Variants in GPR19 observed in about 807,000 individuals in gnomAD.
GPR19 encodes G protein-coupled receptor 19.
GPR19 carries 14 observed loss-of-function variants against 28.5 expected under a neutral mutation model. The ratio of observed to expected loss-of-function variants is 0.49; its 90% CI spans 0.32 to 0.77. The LOEUF (loss-of-function observed/expected upper bound fraction) is 0.77, where lower values mean the gene tolerates loss of function less well. GPR19 is among the 30% of genes least tolerant of loss of function. GPR19 has a pLI of 0.03. For synonymous variants in GPR19, 173 were observed against 184.1 expected (o/e 0.94, Z 0.49); for missense variants, 409 against 504.1 (o/e 0.81, Z 1.81).
chr12:12,685,223 C>T (rs1403730683), intron 2 of GPR19: 4 of 151,724 alleles, frequency 2.6e-5, no homozygotes, highest in Non-Finnish European at 5.9e-5. Flanking sequence ...ACCTACCTCC[C>T]TGTCCCCATC....
At chr12:12,665,691 G>T (rs71457162) in intron 3 of GPR19, among the ~76,000 whole-genome samples, 67 of 151,672 alleles carry the variant, frequency 4.4e-4, no homozygotes, top group African/African-American at 1.5e-3. Flanking sequence ...CAAAAAATTA[G>T]CCGGGCATGG....
the GPR19 span, among the ~76,000 whole-genome samples, chr12:12,710,708 T>A: frequency 6.6e-6 from 1 of 152,080 alleles, no homozygotes; most frequent in African/African-American, 2.4e-5. Context: ...AGCTGTTTTT[T>A]AAAAAATTTT....
At chr12:12,674,369 G>C (rs1355792531) in intron 3 of GPR19, among the ~76,000 whole-genome samples, 1 of 152,034 alleles carries the variant, frequency 6.6e-6, no homozygotes, top group Non-Finnish European at 1.5e-5. Context: ...GAGCCTAGGA[G>C]GTTGAGGCTG....
intron 3 of GPR19, among the ~76,000 whole-genome samples, chr12:12,673,230 CT>C (rs1299840677): frequency 6.6e-6 from 1 of 152,292 alleles, no homozygotes; most frequent in Non-Finnish European, 1.5e-5. Context: ...AGAAAGTCTC[CT>C]GGCAGGGTGT....
Position 12,661,791 on chromosome 12 carries a change from C to T in GPR19, c.658G>A (p.Gly220Ser), listed in dbSNP as rs1287755959. ...AAGTGGATGACAGTGTAGGCAGTGCCTTCCCAAGAGGAGGGGAGGAAATAG... is the reference window on the plus strand; with the variant it reads ...AAGTGGATGACAGTGTAGGCAGTGCTTTCCCAAGAGGAGGGGAGGAAATAG... The part of the protein sequence containing the change: ...CNYFLPSSWE[G>S]TAYTVIHFLV... Residue 220 changes from glycine (G) to serine (S), a missense_variant, in exon 4 of 4, where the codon GGC becomes AGC. Transcript: ENST00000651487. The surrounding 1 kb of genome is among the most constrained non-coding windows in gnomAD (Gnocchi z 4.2). The T allele has an allele frequency of 6.2e-7, 1 of 1,614,074 alleles. No individual in the cohort carries two copies. The highest frequency in any genetic ancestry group is 2.2e-5 in the East Asian group (1 of 44,880).
intron 3 of GPR19, among the ~76,000 whole-genome samples, chr12:12,678,768 A>T (rs1424040012): frequency 6.6e-6 from 1 of 152,208 alleles, no homozygotes; most frequent in Non-Finnish European, 1.5e-5. Context: ...ATGAAAAGTA[A>T]TGGCAAAAAC....
chr12:12,710,931 A>C, the GPR19 span, among the ~76,000 whole-genome samples: 1 of 152,192 alleles, frequency 6.6e-6, no homozygotes, highest in Non-Finnish European at 1.5e-5. Flanking sequence ...CCATTGAGTG[A>C]TAAACCAAAT....
intron 3 of GPR19, among the ~76,000 whole-genome samples, chr12:12,675,292 CTGTG>C (rs1945915057): frequency 6.6e-6 from 1 of 152,086 alleles, no homozygotes. Context: ...AGATTTTGTT[CTGTG>C]TAAGAACCCC....
chr12:12,680,221 G>A (rs1438720098), intron 3 of GPR19, among the ~76,000 whole-genome samples: 4 of 152,286 alleles, frequency 2.6e-5, no homozygotes, highest in Non-Finnish European at 5.9e-5. Flanking sequence ...AGTAAAAAGA[G>A]CACAGAATTA....
chr12:12,666,980 T>C (rs932496956), intron 3 of GPR19, among the ~76,000 whole-genome samples: 1 of 152,122 alleles, frequency 6.6e-6, no homozygotes, highest in Admixed American at 6.6e-5. Flanking sequence ...TCTTGCACTT[T>C]CCTCCCAGAA....
At chr12:12,710,181 G>A in the GPR19 span, among the ~76,000 whole-genome samples, 3 of 152,034 alleles carry the variant, frequency 2.0e-5, no homozygotes, top group East Asian at 1.9e-4. Flanking sequence ...GTGAAACCTC[G>A]TTTCTACTAA....
At chr12:12,711,627 G>A in the GPR19 span, among the ~76,000 whole-genome samples, 1 of 152,158 alleles carries the variant, frequency 6.6e-6, no homozygotes, top group Non-Finnish European at 1.5e-5. Context: ...TTCTGCTACT[G>A]GGAAAGAAGG....
chr12:12,672,672 C>G (rs1163800356), intron 3 of GPR19, among the ~76,000 whole-genome samples: 1 of 151,784 alleles, frequency 6.6e-6, no homozygotes, highest in Non-Finnish European at 1.5e-5. Flanking sequence ...GCTTGAACCC[C>G]GGAGGCGGAG....
chr12:12,665,678 A>C (rs770675954), intron 3 of GPR19, among the ~76,000 whole-genome samples: 8 of 152,040 alleles, frequency 5.3e-5, no homozygotes, highest in Non-Finnish European at 1.2e-4. Context: ...CCAACTAAAA[A>C]TACAAAAAAT....
intron 3 of GPR19, among the ~76,000 whole-genome samples, chr12:12,678,728 G>T (rs1945974816): frequency 6.6e-6 from 1 of 151,980 alleles, no homozygotes; most frequent in Admixed American, 6.6e-5. Context: ...TACTTTATTG[G>T]GTTGGTGCAA....
At chr12:12,687,977 C>A (rs1453670185) in intron 2 of GPR19, among the ~76,000 whole-genome samples, 1 of 152,166 alleles carries the variant, frequency 6.6e-6, no homozygotes, top group Non-Finnish European at 1.5e-5. Context: ...GAAAGTTCTT[C>A]TTTACAGAAA....
the GPR19 span, among the ~76,000 whole-genome samples, chr12:12,713,132 T>C: frequency 6.6e-6 from 1 of 150,928 alleles, no homozygotes; most frequent in East Asian, 1.9e-4. Flanking sequence ...TGGCACGATC[T>C]TGGCTCACTA....
Position 12,660,970 on chromosome 12 carries a change from T to G in GPR19, c.*231A>C. The G allele has an allele frequency of 2.4e-6, 1 of 425,054 alleles. No homozygotes were observed. The highest frequency in any genetic ancestry group is 5.2e-5 in the South Asian group (1 of 19,112). 26.3% of individuals were successfully genotyped at this position (425,054 alleles called of 1,614,324 possible). On this transcript the variant is annotated 3_prime_UTR_variant, in exon 4 of 4. Transcript: ENST00000651487. ...TTTTCTTTTTTATGCATGTAACTAA[T>G]ATATTAATAGTAAAAGGACTGTTGG...
At chr12:12,667,290 T>C (rs1344959510) in intron 3 of GPR19, among the ~76,000 whole-genome samples, 1 of 152,168 alleles carries the variant, frequency 6.6e-6, no homozygotes, top group African/African-American at 2.4e-5. Flanking sequence ...TCTACCTATA[T>C]ATGATCTAAA....
Sources: gnomAD v4.1 joint callset for allele counts (sites outside exome capture counted in the v4.1 genomes callset) on GRCh38, gnomAD v4.1.1 for gene constraint, Gnocchi (gnomAD v3.1) non-coding constraint, MANE v1.5 for transcripts, NCBI Gene and HGNC (gene_info 2026-07-23, HGNC 2026-07-21) for gene names.